The following DCLK3 variants were observed in gnomAD, a reference collection of about 807,000 sequenced individuals.
DCLK3 encodes serine/threonine-protein kinase DCLK3.
DCLK3 carries 30 observed loss-of-function variants against 46.4 expected under a neutral mutation model. The ratio of observed to expected loss-of-function variants is 0.65; its 90% CI spans 0.48 to 0.88. DCLK3 has a LOEUF of 0.88. DCLK3 is among the 40% of genes least tolerant of loss of function. The pLI is 0.00. For synonymous variants in DCLK3, 401 were observed against 339.2 expected (o/e 1.18, Z -2.00); for missense variants, 846 against 907.1 (o/e 0.93, Z 0.87).
At position 36,716,879 on chromosome 3, in the gene DCLK3, G is replaced by T. The variant is rs186140160; in HGVS notation, c.2260+1131C>A. 1.8e-3 allele frequency among the ~76,000 whole-genome samples: 276 copies of T among 152,288 alleles called. 1 individual carries two copies. Among genetic ancestry groups the T allele is most frequent in the Non-Finnish European group, 2.7e-3 (182 of 68,014 alleles). On this transcript the variant is annotated intron_variant, in intron 4 of 4. Transcript: ENST00000636136. ...AGTGCTGCATAGAACTTTCTAAAAT[G>T]ATTTTTAGTCCCTCAATTCCCAGTT...
chr3:36,759,759 C>T (rs928283970), intron 1 of DCLK3, among the ~76,000 whole-genome samples: 1 of 152,206 alleles, frequency 6.6e-6, no homozygotes, highest in African/African-American at 2.4e-5. Context: ...CTGCCCTCCT[C>T]CAATCCCAGA....
At chr3:36,757,550 G>C (rs1252461383) in intron 1 of DCLK3, among the ~76,000 whole-genome samples, 1 of 152,066 alleles carries the variant, frequency 6.6e-6, no homozygotes, top group Non-Finnish European at 1.5e-5. Context: ...GACAGAAGCA[G>C]CAAGCACAAT....
intron 2 of DCLK3, among the ~76,000 whole-genome samples, chr3:36,728,368 G>A (rs1027643456): frequency 1.3e-5 from 2 of 152,142 alleles, no homozygotes; most frequent in South Asian, 4.1e-4. Context: ...GGTGGGGGGT[G>A]GGGGGACGGT....
rs1700938663 is a variant in DCLK3, at chr3:36,713,588, T to A, written c.*1740A>T. 1 of 152,200 alleles carries A rather than the reference T, an allele frequency of 6.6e-6. No homozygotes were observed. Among genetic ancestry groups the A allele is most frequent in the African/African-American group, 2.4e-5 (1 of 41,450 alleles). 9.4% of individuals were successfully genotyped at this position (152,200 alleles called of 1,614,324 possible). Reference sequence around the variant, plus strand: ...AGCACCAGCTGGTACTTCTTTGATGTGGTTTCAAGTTTCTAGGGGGTGTCA... The same window carrying A: ...AGCACCAGCTGGTACTTCTTTGATGAGGTTTCAAGTTTCTAGGGGGTGTCA... On this transcript the variant is annotated 3_prime_UTR_variant, in exon 5 of 5. Transcript: ENST00000636136.
chr3:36,759,904 T>C (rs1701523458), intron 1 of DCLK3, among the ~76,000 whole-genome samples: 1 of 152,126 alleles, frequency 6.6e-6, no homozygotes, highest in African/African-American at 2.4e-5. Context: ...ATCATAATCG[T>C]ACATTTCTAT....
At chr3:36,752,033 AT>A (rs1337440821) in intron 1 of DCLK3, among the ~76,000 whole-genome samples, 2 of 152,214 alleles carry the variant, frequency 1.3e-5, no homozygotes, top group Admixed American at 6.5e-5. Flanking sequence ...ACCCACCCAG[AT>A]TCCTTTACCA....
Position 36,759,510 on chromosome 3 carries a change from T to A in DCLK3, c.82+4672A>T, listed in dbSNP as rs149476172. Among the ~76,000 whole-genome samples, 22 of 152,350 alleles carry A rather than the reference T, an allele frequency of 1.4e-4. No homozygotes were observed. In the East Asian group the frequency reaches 4.2e-3, roughly 29 times the overall value. On this transcript the variant is annotated intron_variant, in intron 1 of 4. Transcript: ENST00000636136. ...CATTGTGTGTGAGAAGTAACCTTCGTTGAGTTAAACTACCAAGATGATGAA... is the reference window on the plus strand; with the variant it reads ...CATTGTGTGTGAGAAGTAACCTTCGATGAGTTAAACTACCAAGATGATGAA...
At chr3:36,755,839 C>T (rs554482242) in intron 1 of DCLK3, among the ~76,000 whole-genome samples, 2 of 152,272 alleles carry the variant, frequency 1.3e-5, no homozygotes, top group African/African-American at 4.8e-5. Flanking sequence ...TTGTATGAAT[C>T]CCAGTGTAAA....
chr3:36,741,843 G>A lies in DCLK3; in HGVS notation c.83-2759C>T, dbSNP rs961610985. On this transcript the variant is annotated intron_variant, in intron 1 of 4. Coordinates refer to ENST00000636136, the MANE Select transcript of DCLK3 (RefSeq NM_001394672.2). ...AGCTAAGGAAAGGTGTTATAGGAGG[G>A]AAGAAAAATAATAGCTCTGAAGCAG... 2.6e-5 allele frequency among the ~76,000 whole-genome samples: 4 copies of A among 152,168 alleles called. 1 individual carries two copies. Among genetic ancestry groups the A allele is most frequent in the Non-Finnish European group, 5.9e-5 (4 of 68,020 alleles).
At chr3:36,752,745 T>C (rs1294340629) in intron 1 of DCLK3, among the ~76,000 whole-genome samples, 1 of 152,222 alleles carries the variant, frequency 6.6e-6, no homozygotes, top group Non-Finnish European at 1.5e-5. Flanking sequence ...TCTTTCTGCA[T>C]AGCACATATC....
At chr3:36,761,915 T>C (rs1445985705) in intron 1 of DCLK3, among the ~76,000 whole-genome samples, 1 of 152,036 alleles carries the variant, frequency 6.6e-6, no homozygotes, top group Non-Finnish European at 1.5e-5. Context: ...GACTGGCTTG[T>C]CCAAAGAAAA....
chr3:36,740,795 C>A (rs1234608512), intron 1 of DCLK3, among the ~76,000 whole-genome samples: 4 of 152,210 alleles, frequency 2.6e-5, no homozygotes, highest in Non-Finnish European at 5.9e-5. Flanking sequence ...ATGGAAGAAT[C>A]TGCTGTTTAT....
chr3:36,753,387 T>C (rs984153577), intron 1 of DCLK3, among the ~76,000 whole-genome samples: 1 of 152,112 alleles, frequency 6.6e-6, no homozygotes, highest in Non-Finnish European at 1.5e-5. Context: ...GGTGAACATG[T>C]TGGAAGCAAA....
chr3:36,729,438 T>C (rs1159606648), intron 2 of DCLK3, among the ~76,000 whole-genome samples: 1 of 152,202 alleles, frequency 6.6e-6, no homozygotes, highest in Non-Finnish European at 1.5e-5. Context: ...TAATGACTGT[T>C]ATCTGTCTGC....
chr3:36,763,134 C>G (rs913754101), intron 1 of DCLK3, among the ~76,000 whole-genome samples: 1 of 152,208 alleles, frequency 6.6e-6, no homozygotes, highest in African/African-American at 2.4e-5. Context: ...GCAGGGCCAC[C>G]TAATTAATGC....
In DCLK3 at chr3:36,737,642, G is replaced by T; in HGVS notation, c.1525C>A (p.Arg509=). 6.2e-7 allele frequency: 1 copy of T among 1,613,946 alleles called. No individual in the cohort carries two copies. The highest frequency in any genetic ancestry group is 8.5e-7 in the Non-Finnish European group (1 of 1,179,940). The change falls in exon 2 of 5, where the codon CGG becomes AGG. Residue 509 remains arginine (R), a synonymous_variant. Coordinates refer to ENST00000636136, the MANE Select transcript of DCLK3 (RefSeq NM_001394672.2). This position sits in a 1 kb window ranked among gnomAD's most constrained non-coding sequence, Gnocchi z 4.4. ...EENKPERPSG[R]KPRPMGIIAA... Reference sequence around the variant, plus strand: ...ATGATGCCCATGGGCCGTGGCTTCCGACCGCTGGGCCGCTCTGGCTTGTTC... The same window carrying T: ...ATGATGCCCATGGGCCGTGGCTTCCTACCGCTGGGCCGCTCTGGCTTGTTC...
intron 2 of DCLK3, among the ~76,000 whole-genome samples, chr3:36,723,845 T>C (rs1701092548): frequency 6.6e-6 from 1 of 152,158 alleles, no homozygotes; most frequent in African/African-American, 2.4e-5. Context: ...AAGGGAAATG[T>C]GGGGTCGGAT....
chr3:36,734,123 T>C (rs1002068131), intron 2 of DCLK3, among the ~76,000 whole-genome samples: 2 of 152,236 alleles, frequency 1.3e-5, no homozygotes, highest in Non-Finnish European at 2.9e-5. Context: ...CAGTCACCAA[T>C]GTGATATTTA....
chr3:36,763,895 C>T (rs1559396561), intron 1 of DCLK3, among the ~76,000 whole-genome samples: 1 of 152,210 alleles, frequency 6.6e-6, no homozygotes, highest in African/African-American at 2.4e-5. Context: ...CCAGGAAGGG[C>T]CCCCCTGCTG....
Sources: gnomAD v4.1 joint callset for allele counts (sites outside exome capture counted in the v4.1 genomes callset) on GRCh38, gnomAD v4.1.1 for gene constraint, Gnocchi (gnomAD v3.1) non-coding constraint, MANE v1.5 for transcripts, NCBI Gene and HGNC (gene_info 2026-07-23, HGNC 2026-07-21) for gene names.